The following DAB2IP variants were observed in gnomAD, a reference collection of about 807,000 sequenced individuals.
The protein encoded by DAB2IP is DAB2 interacting protein.
DAB2IP carries 28 observed loss-of-function variants against 107.2 expected under a neutral mutation model. The ratio of observed to expected loss-of-function variants is 0.26; its 90% CI spans 0.19 to 0.36. DAB2IP has a LOEUF of 0.36. DAB2IP is among the 10% of genes least tolerant of loss of function. DAB2IP has a pLI of 1.00. For missense variants in DAB2IP, 1,400 were observed against 1,644.7 expected (o/e 0.85, Z 2.57); for synonymous variants, 755 against 706.4 (o/e 1.07, Z -1.09).
At chr9:121,660,815 G>A (rs1229622840) in intron 1 of DAB2IP, among the ~76,000 whole-genome samples, 1 of 152,062 alleles carries the variant, frequency 6.6e-6, no homozygotes, top group Non-Finnish European at 1.5e-5. Context: ...CATACTAAAT[G>A]GTGTTCTTTT....
intron 1 of DAB2IP, among the ~76,000 whole-genome samples, chr9:121,659,676 C>G (rs1348676007): frequency 6.6e-6 from 1 of 152,116 alleles, no homozygotes; most frequent in African/African-American, 2.4e-5. Context: ...CTCCTGTAGT[C>G]CCAGCTACTT....
At position 121,776,423 on chromosome 9, in the gene DAB2IP, G is replaced by A; in HGVS notation, c.3314+32G>A. On this transcript the variant is annotated intron_variant, in intron 14 of 15. Coordinates refer to ENST00000408936, the Ensembl canonical transcript of DAB2IP. This position sits in a 1 kb window ranked among gnomAD's most constrained non-coding sequence, Gnocchi z 5.4. ...CCCACACCTGCCTGGCCTGGCCACA[G>A]GCACAGGCAGGGCAGCCATCGCTGC... 1 of 1,482,044 alleles carries A rather than the reference G, an allele frequency of 6.7e-7. No homozygotes were observed. The highest frequency in any genetic ancestry group is 9.0e-7 in the Non-Finnish European group (1 of 1,116,788). 91.8% of individuals were successfully genotyped at this position (1,482,044 alleles called of 1,614,324 possible).
At chr9:121,591,358 A>G (rs565483116) in intron 1 of DAB2IP, among the ~76,000 whole-genome samples, 1 of 152,292 alleles carries the variant, frequency 6.6e-6, no homozygotes, top group East Asian at 1.9e-4. Flanking sequence ...AATTCCAGCT[A>G]CTCAGGAGGC....
intron 11 of DAB2IP, among the ~76,000 whole-genome samples, chr9:121,771,084 A>ACATGTTCCTGGTATTTCCTGAGCCT (rs1834690292): frequency 1.3e-5 from 2 of 152,198 alleles, no homozygotes; most frequent in Non-Finnish European, 2.9e-5. Context: ...TTAAAAATAC[A>ACATGTTCCTGGTATTTCCTGAGCCT]CATGTTCCTG....
chr9:121,679,504 CCT>C (rs1256320375), intron 2 of DAB2IP, among the ~76,000 whole-genome samples: 1 of 151,400 alleles, frequency 6.6e-6, no homozygotes, highest in Non-Finnish European at 1.5e-5. Context: ...ACTGTGTGTA[CCT>C]CTCTCCAGGG....
exon 13 of DAB2IP, chr9:121,774,358 C>A (rs1268830866): frequency 6.2e-7 from 1 of 1,609,706 alleles, no homozygotes; most frequent in Non-Finnish European, 8.5e-7. Context: ...TGGGCCCAGA[C>A]CCCCCCCACA....
At chr9:121,652,134 G>T (rs1287466909) in intron 1 of DAB2IP, among the ~76,000 whole-genome samples, 1 of 152,148 alleles carries the variant, frequency 6.6e-6, no homozygotes, top group Non-Finnish European at 1.5e-5. Context: ...AGGGAGAGGG[G>T]AGCCTGGAAT....
At chr9:121,642,405 T>A (rs1832385047) in intron 1 of DAB2IP, among the ~76,000 whole-genome samples, 1 of 151,406 alleles carries the variant, frequency 6.6e-6, no homozygotes, top group Non-Finnish European at 1.5e-5. Context: ...GGTCTCAAAC[T>A]CCTGATCTCA....
chr9:121,601,615 A>G lies in DAB2IP; in HGVS notation c.40+34387A>G, dbSNP rs1830685014. On this transcript the variant is annotated intron_variant, in intron 1 of 16. Transcript: ENST00000259371. ...ACAGGCACTGAGGTTGGTAATGATCATAGCACTATTTATTGAGTGTTTATT... is the reference window on the plus strand; with the variant it reads ...ACAGGCACTGAGGTTGGTAATGATCGTAGCACTATTTATTGAGTGTTTATT... Among the ~76,000 whole-genome samples, 2 of 152,194 alleles carry G rather than the reference A, an allele frequency of 1.3e-5. 1 individual carries two copies. The highest frequency in any genetic ancestry group is 4.1e-4 in the South Asian group (2 of 4,834).
chr9:121,761,234 C>T (rs143951539), intron 6 of DAB2IP, among the ~76,000 whole-genome samples: 1 of 152,348 alleles, frequency 6.6e-6, no homozygotes, highest in African/African-American at 2.4e-5. Flanking sequence ...GCGACCTTCT[C>T]TCTTTACATT....
intron 3 of DAB2IP, among the ~76,000 whole-genome samples, chr9:121,700,305 A>C (rs1449523096): frequency 6.6e-6 from 1 of 152,084 alleles, no homozygotes; most frequent in South Asian, 2.1e-4. Flanking sequence ...AGGGCAAGCC[A>C]TCCTGTCCTC....
intron 3 of DAB2IP, among the ~76,000 whole-genome samples, chr9:121,747,676 C>T (rs910184747): frequency 6.6e-6 from 1 of 152,078 alleles, no homozygotes; most frequent in African/African-American, 2.4e-5. Flanking sequence ...ATTCAGGGCA[C>T]TTCGCTGTTC....
At chr9:121,742,802 G>A (rs965530180) in intron 3 of DAB2IP, 9 of 985,488 alleles carry the variant, frequency 9.1e-6, no homozygotes, top group Middle Eastern at 5.2e-4. Context: ...CTTCTTTCGT[G>A]TTGTGTCAGA....
intron 1 of DAB2IP, among the ~76,000 whole-genome samples, chr9:121,589,463 G>C (rs1264426254): frequency 3.3e-5 from 5 of 152,072 alleles, no homozygotes; most frequent in Non-Finnish European, 7.4e-5. Flanking sequence ...GACACACTCA[G>C]AGGTCATCTC....
At chr9:121,614,217 C>T (rs575220988) in intron 1 of DAB2IP, among the ~76,000 whole-genome samples, 3 of 152,228 alleles carry the variant, frequency 2.0e-5, no homozygotes, top group South Asian at 4.2e-4. Flanking sequence ...GGATCCTCAT[C>T]GTGTTCTTTA....
chr9:121,652,273 C>T (rs1352360555), intron 1 of DAB2IP, among the ~76,000 whole-genome samples: 1 of 152,282 alleles, frequency 6.6e-6, no homozygotes, highest in East Asian at 1.9e-4. Flanking sequence ...AGGCCGCGGA[C>T]TTCTTTCTTC....
At chr9:121,768,327 A>G in intron 9 of DAB2IP, 105 bp from the exon 10 acceptor site, 1 of 1,222,704 alleles carries the variant, frequency 8.2e-7, no homozygotes, top group Non-Finnish European at 1.2e-6. Flanking sequence ...ATGGAGTGGG[A>G]GCCTGCCATA....
At chr9:121,610,207 G>C (rs1235714531) in intron 1 of DAB2IP, among the ~76,000 whole-genome samples, 1 of 152,200 alleles carries the variant, frequency 6.6e-6, no homozygotes, top group Non-Finnish European at 1.5e-5. Flanking sequence ...TAGTGGCTCT[G>C]TGTTAGGAAG....
At chr9:121,748,883 G>A (rs1249783460) in intron 3 of DAB2IP, among the ~76,000 whole-genome samples, 3 of 152,170 alleles carry the variant, frequency 2.0e-5, no homozygotes, top group Non-Finnish European at 4.4e-5. Context: ...AGGGCAGAAG[G>A]CCACGTGTCT....
Sources: allele counts gnomAD v4.1 joint callset (sites outside exome capture counted in the v4.1 genomes callset), GRCh38; gene constraint gnomAD v4.1.1; non-coding constraint Gnocchi (gnomAD v3.1); transcripts MANE v1.5; gene names NCBI Gene and HGNC (gene_info 2026-07-23, HGNC 2026-07-21).